Variants in CACNB2 observed in about 807,000 individuals in gnomAD.
CACNB2 encodes voltage-dependent L-type calcium channel subunit beta-2.
CACNB2 carries 42 observed loss-of-function variants against 73.3 expected under a neutral mutation model. The ratio of observed to expected loss-of-function variants is 0.57; its 90% CI spans 0.45 to 0.74. The LOEUF is 0.74. CACNB2 is among the 30% of genes least tolerant of loss of function. CACNB2 has a pLI of 0.00. For synonymous variants in CACNB2, 348 were observed against 310.3 expected, an observed-to-expected ratio of 1.12 and a Z score of -1.28; for missense variants, 940 against 853.0, an observed-to-expected ratio of 1.10 and a Z score of -1.27.
chr10:18,357,801 T>C (rs910636997), intron 2 of CACNB2, among the ~76,000 whole-genome samples: 1 of 152,200 alleles, frequency 6.6e-6, no homozygotes, highest in Non-Finnish European at 1.5e-5. Flanking sequence ...GGTGTATTCC[T>C]AGCCACTGTG....
At chr10:18,255,720 G>C (rs2037256976) in intron 2 of CACNB2, among the ~76,000 whole-genome samples, 1 of 152,154 alleles carries the variant, frequency 6.6e-6, no homozygotes, top group African/African-American at 2.4e-5. Context: ...GCTCTTCATA[G>C]TTGCAGACGT....
At chr10:18,151,265 G>T (rs1368622894) in intron 2 of CACNB2, 2 of 325,880 alleles carry the variant, frequency 6.1e-6, no homozygotes, top group Non-Finnish European at 1.1e-5. Flanking sequence ...TATGGATTTG[G>T]GGGGATTGTT....
chr10:18,358,895 G>T (rs551376822), intron 2 of CACNB2, among the ~76,000 whole-genome samples: 2 of 152,208 alleles, frequency 1.3e-5, no homozygotes, highest in South Asian at 4.1e-4. Flanking sequence ...GGGTTTTGTT[G>T]TTGCTGCTGT....
chr10:18,441,846 C>G (rs1485568802), intron 3 of CACNB2, among the ~76,000 whole-genome samples: 4 of 152,146 alleles, frequency 2.6e-5, no homozygotes, highest in Non-Finnish European at 4.4e-5. Flanking sequence ...GTCTCGAACT[C>G]CTGGACTCAA....
At chr10:18,216,150 A>G (rs2035503170) in intron 2 of CACNB2, among the ~76,000 whole-genome samples, 1 of 146,820 alleles carries the variant, frequency 6.8e-6, no homozygotes, top group Non-Finnish European at 1.5e-5. Context: ...AAAAAAAAAT[A>G]GCCAAATGTG....
Position 18,540,660 on chromosome 10 carries a change from C to G in CACNB2, c.*936C>G, listed in dbSNP as rs1021107579. 2 of 152,542 alleles carry G rather than the reference C, an allele frequency of 1.3e-5. No homozygotes were observed. Among genetic ancestry groups the G allele is most frequent in the African/African-American group, 4.8e-5 (2 of 41,414 alleles). 9.4% of individuals were successfully genotyped at this position (152,542 alleles called of 1,614,324 possible). On this transcript the variant is annotated 3_prime_UTR_variant, in exon 14 of 14. Coordinates refer to ENST00000324631, the MANE Select transcript of CACNB2 (RefSeq NM_201596.3). Reference sequence around the variant, plus strand: ...ACTGATTGTGACACATTCTTAGTAGCTAGTGTCTGTTCTAGTCACTGCACT... The same window carrying G: ...ACTGATTGTGACACATTCTTAGTAGGTAGTGTCTGTTCTAGTCACTGCACT...
intron 2 of CACNB2, among the ~76,000 whole-genome samples, chr10:18,276,863 G>C (rs911429944): frequency 6.6e-6 from 1 of 152,218 alleles, no homozygotes; most frequent in East Asian, 1.9e-4. Context: ...AAAGGCGTGA[G>C]CCACCACACC....
chr10:18,154,611 G>A (rs2031886998), intron 2 of CACNB2, among the ~76,000 whole-genome samples: 1 of 152,130 alleles, frequency 6.6e-6, no homozygotes, highest in African/African-American at 2.4e-5. Flanking sequence ...GGGATTACAG[G>A]TGTGCACCAC....
intron 2 of CACNB2, among the ~76,000 whole-genome samples, chr10:18,390,136 G>A (rs527426656): frequency 6.6e-6 from 1 of 152,314 alleles, no homozygotes; most frequent in South Asian, 2.1e-4. Context: ...ATCTTGGAAG[G>A]AAAGAGCCCA....
At chr10:18,346,751 C>T (rs866859732) in intron 2 of CACNB2, among the ~76,000 whole-genome samples, 5 of 152,060 alleles carry the variant, frequency 3.3e-5, no homozygotes, top group Admixed American at 2.0e-4. Context: ...CATGTGCCAC[C>T]GCGCCTGGCT....
At chr10:18,174,624 G>A (rs1320896981) in intron 2 of CACNB2, among the ~76,000 whole-genome samples, 4 of 151,852 alleles carry the variant, frequency 2.6e-5, no homozygotes, top group Admixed American at 1.3e-4. Context: ...TGCTGGTCTC[G>A]AACTCCTGAC....
intron 3 of CACNB2, among the ~76,000 whole-genome samples, chr10:18,406,551 T>C (rs1388258172): frequency 6.6e-6 from 1 of 152,152 alleles, no homozygotes; most frequent in Non-Finnish European, 1.5e-5. Context: ...GCGCACTCCT[T>C]ATGAGAGTCT....
intron 3 of CACNB2, among the ~76,000 whole-genome samples, chr10:18,455,039 T>TAAA (rs56167015): frequency 0.18 from 25,011 of 137,484 alleles, 2,681 homozygotes; most frequent in Middle Eastern, 0.29. Flanking sequence ...CCCAATCTCT[T>TAAA]AAAAAAAAAA....
At chr10:18,374,274 T>A (rs1317627564) in intron 2 of CACNB2, among the ~76,000 whole-genome samples, 1 of 152,114 alleles carries the variant, frequency 6.6e-6, no homozygotes. Flanking sequence ...GATGAAGAGA[T>A]GCCAAGTAGA....
intron 2 of CACNB2, among the ~76,000 whole-genome samples, chr10:18,180,761 T>A (rs1334413648): frequency 6.6e-6 from 1 of 151,980 alleles, no homozygotes; most frequent in Non-Finnish European, 1.5e-5. Flanking sequence ...GGTCAGGAGA[T>A]CGAGACCATC....
chr10:18,234,966 A>T (rs376973998), intron 2 of CACNB2, among the ~76,000 whole-genome samples: 64 of 151,602 alleles, frequency 4.2e-4, no homozygotes, highest in African/African-American at 1.4e-3. Context: ...ACACGGTGAA[A>T]CCCCGTCTCT....
chr10:18,343,016 A>G (rs895679320), intron 2 of CACNB2, among the ~76,000 whole-genome samples: 6 of 152,190 alleles, frequency 3.9e-5, no homozygotes. Context: ...CAGGAAACAC[A>G]TTTAGAAATT....
At chr10:18,148,310 A>G (rs951882684) in intron 1 of CACNB2, among the ~76,000 whole-genome samples, 7 of 152,222 alleles carry the variant, frequency 4.6e-5, no homozygotes, top group African/African-American at 1.7e-4. Context: ...TCTCAAAACT[A>G]TCACCAGCAT....
At chr10:18,332,383 G>A (rs554052558) in intron 2 of CACNB2, among the ~76,000 whole-genome samples, 1 of 152,254 alleles carries the variant, frequency 6.6e-6, no homozygotes, top group African/African-American at 2.4e-5. Flanking sequence ...GTTTGCTGTA[G>A]TATGAGGAAT....
Sources: allele counts gnomAD v4.1 joint callset (sites outside exome capture counted in the v4.1 genomes callset), GRCh38; gene constraint gnomAD v4.1.1; transcripts MANE v1.5; gene names NCBI Gene and HGNC (gene_info 2026-07-23, HGNC 2026-07-21).